Variants in SLC15A1 observed in about 807,000 individuals in gnomAD.
SLC15A1 encodes the protein Caco-2 oligopeptide transporter.
Under a neutral mutation model 92.9 loss-of-function variants are expected in SLC15A1, and 83 were observed. The observed-to-expected ratio is 0.89, with a 90% confidence interval of 0.75 to 1.07. SLC15A1 has a LOEUF of 1.07. Ranked by LOEUF, SLC15A1 falls within the 50% of genes least tolerant of loss-of-function variation. SLC15A1 has a pLI of 0.00. For synonymous variants in SLC15A1, 322 were observed against 318.2 expected (o/e 1.01, Z -0.13); for missense variants, 857 against 880.1 (o/e 0.97, Z 0.33).
intron 1 of SLC15A1, 110 bp downstream of exon 1, chr13:98,752,485 C>G: frequency 9.3e-7 from 1 of 1,072,106 alleles, no homozygotes; most frequent in East Asian, 3.3e-5. Flanking sequence ...TCGGGTCGCC[C>G]CGCTTCCCGC....
At chr13:98,732,974 G>T (rs1370744819) in intron 1 of SLC15A1, among the ~76,000 whole-genome samples, 3 of 152,170 alleles carry the variant, frequency 2.0e-5, no homozygotes, top group African/African-American at 7.2e-5. Flanking sequence ...TTGAGATAAA[G>T]AGTTTATCTT....
chr13:98,710,801 C>G (rs1261983740), intron 11 of SLC15A1, among the ~76,000 whole-genome samples: 1 of 89,726 alleles, frequency 1.1e-5, no homozygotes, highest in East Asian at 2.9e-4. Flanking sequence ...GAGTGAGACT[C>G]TTGACTCAAA....
intron 22 of SLC15A1, among the ~76,000 whole-genome samples, chr13:98,685,531 A>G (rs1302975811): frequency 6.6e-6 from 1 of 152,240 alleles, no homozygotes; most frequent in East Asian, 1.9e-4. Flanking sequence ...AGGTGTTATG[A>G]AAGTTCCAGG....
intron 1 of SLC15A1, among the ~76,000 whole-genome samples, chr13:98,734,117 C>G (rs973600344): frequency 9.9e-5 from 15 of 152,124 alleles, no homozygotes; most frequent in African/African-American, 3.4e-4. Flanking sequence ...AGGTGTGTGC[C>G]ACCATGCCTG....
chr13:98,709,885 T>C lies in SLC15A1; in HGVS notation c.927A>G (p.Thr309=). The C allele has an allele frequency of 6.2e-7, 1 of 1,614,230 alleles. No individual in the cohort carries two copies. ...QQGSRWTLQA[T]TMSGKIGALE... is the part of the protein sequence containing the mutation. ...AACTTACGATTTTCCCGGACATAGT[T>C]GTTGCCTGCAGTGTCCACCTGGAGC... The change falls in exon 12 of 23, where the codon ACA becomes ACG. Residue 309 remains threonine (T), a synonymous_variant. Coordinates refer to ENST00000376503, the MANE Select transcript of SLC15A1 (RefSeq NM_005073.4).
At chr13:98,701,301 A>G (rs1279045153) in intron 18 of SLC15A1, among the ~76,000 whole-genome samples, 1 of 152,192 alleles carries the variant, frequency 6.6e-6, no homozygotes, top group Non-Finnish European at 1.5e-5. Flanking sequence ...GAGATAGTAT[A>G]CATGAAATAG....
At chr13:98,719,511 C>T (rs1198580814) in intron 7 of SLC15A1, among the ~76,000 whole-genome samples, 191 bp from the exon 8 acceptor site, 5 of 152,308 alleles carry the variant, frequency 3.3e-5, no homozygotes, top group Admixed American at 6.5e-5. Context: ...GAGATGGAAA[C>T]CAGTTCTAAT....
At chr13:98,713,988 G>A (rs1410697807) in intron 9 of SLC15A1, among the ~76,000 whole-genome samples, 1 of 151,562 alleles carries the variant, frequency 6.6e-6, no homozygotes, top group Non-Finnish European at 1.5e-5. Flanking sequence ...GGGAGACGGA[G>A]GTTGCAGTGA....
rs144137376 is a variant in SLC15A1 at position 98,721,692 on chromosome 13, T to G, written c.466-107A>C. 1.5e-3 allele frequency: 1,941 copies of G among 1,305,418 alleles called. 29 individuals are homozygous for G. The African/African-American group carries it at 0.025, about 17-fold the overall frequency. 80.9% of individuals were successfully genotyped at this position (1,305,418 alleles called of 1,614,324 possible). A position where few individuals can be genotyped will look rare whatever the true frequency, so the allele number is the denominator to read the frequency against. On this transcript the variant is annotated intron_variant, in intron 6 of 22. Coordinates refer to ENST00000376503, the MANE Select transcript of SLC15A1 (RefSeq NM_005073.4). ...AACTTAGTTTTGGTTGGTATCTTAC[T>G]TTCTAATGTACTTAAAAAGAATCCG... is the stretch of plus-strand genomic sequence containing the variant.
intron 10 of SLC15A1, among the ~76,000 whole-genome samples, chr13:98,712,257 T>C (rs1388895805): frequency 1.3e-5 from 2 of 152,204 alleles, no homozygotes; most frequent in African/African-American, 4.8e-5. Flanking sequence ...CCCAATTACA[T>C]ATAATTAATG....
At chr13:98,714,245 G>A (rs1174589693) in intron 9 of SLC15A1, among the ~76,000 whole-genome samples, 1 of 151,810 alleles carries the variant, frequency 6.6e-6, no homozygotes, top group Non-Finnish European at 1.5e-5. Context: ...CTTGGAAAAA[G>A]CTTTTTGGTG....
At chr13:98,741,042 C>T (rs961034255) in intron 1 of SLC15A1, among the ~76,000 whole-genome samples, 5 of 152,102 alleles carry the variant, frequency 3.3e-5, no homozygotes, top group Non-Finnish European at 7.4e-5. Flanking sequence ...TGTTTTGCCA[C>T]CTTTCCCACC....
intron 1 of SLC15A1, among the ~76,000 whole-genome samples, chr13:98,749,702 A>G (rs1295510686): frequency 6.6e-6 from 1 of 152,180 alleles, no homozygotes; most frequent in East Asian, 1.9e-4. Flanking sequence ...AACCACACAG[A>G]TACCTTGGCT....
At chr13:98,685,841 C>T (rs1212249198) in intron 22 of SLC15A1, among the ~76,000 whole-genome samples, 1 of 152,030 alleles carries the variant, frequency 6.6e-6, no homozygotes, top group African/African-American at 2.4e-5. Flanking sequence ...CAAACATTAG[C>T]CGGGTGTGGT....
chr13:98,734,537 G>A (rs2088375158), intron 1 of SLC15A1, among the ~76,000 whole-genome samples: 1 of 152,138 alleles, frequency 6.6e-6, no homozygotes, highest in African/African-American at 2.4e-5. Context: ...CCTAGCCAAG[G>A]GAAGACTGTA....
intron 21 of SLC15A1, 95 bp from the exon 22 acceptor site, chr13:98,686,392 C>G (rs2087929849): frequency 3.7e-6 from 3 of 802,392 alleles, no homozygotes; most frequent in Non-Finnish European, 6.3e-6. Flanking sequence ...AGCAGATCAC[C>G]CTAACAATGC....
At position 98,704,803 on chromosome 13, in the gene SLC15A1, G is replaced by A. The variant is rs553977268; in HGVS notation, c.1270-368C>T. ...TGGGCTGCTCCAAGCATTAGGAATC[G>A]GGCTTTTTGTTTTTACCTTCAAGAT... is the stretch of plus-strand genomic sequence containing the variant. On this transcript the variant is annotated intron_variant, in intron 16 of 22. Coordinates refer to ENST00000376503, the MANE Select transcript of SLC15A1 (RefSeq NM_005073.4). Among the ~76,000 whole-genome samples, 4 of 152,268 alleles carry A rather than the reference G, an allele frequency of 2.6e-5. No homozygotes were observed. The South Asian group carries it at 6.2e-4, about 24-fold the overall frequency.
chr13:98,727,866 C>T (rs2088315632), intron 1 of SLC15A1, among the ~76,000 whole-genome samples: 1 of 152,204 alleles, frequency 6.6e-6, no homozygotes, highest in Non-Finnish European at 1.5e-5. Context: ...GCTCCCTGAA[C>T]ATGCTCCACC....
At chr13:98,742,920 C>T (rs542850773) in intron 1 of SLC15A1, among the ~76,000 whole-genome samples, 11 of 152,282 alleles carry the variant, frequency 7.2e-5, no homozygotes, top group South Asian at 4.2e-4. Context: ...GGACCACAGG[C>T]GTGTGCAGCC....
Sources: allele counts gnomAD v4.1 joint callset (sites outside exome capture counted in the v4.1 genomes callset), GRCh38; gene constraint gnomAD v4.1.1; transcripts MANE v1.5; gene names NCBI Gene and HGNC (gene_info 2026-07-23, HGNC 2026-07-21).